Variants in ZFYVE26 observed in about 807,000 individuals in gnomAD.
ZFYVE26 encodes the protein zinc finger FYVE-type containing 26, also known as zinc finger FYVE domain-containing protein 26.
Under a neutral mutation model 276.5 loss-of-function variants are expected in ZFYVE26, and 181 were observed. The ratio of observed to expected loss-of-function variants is 0.65; its 90% CI spans 0.58 to 0.74. ZFYVE26 has a LOEUF of 0.74. Ranked by LOEUF, ZFYVE26 falls within the 30% of genes least tolerant of loss-of-function variation. The pLI is 0.00. For synonymous variants in ZFYVE26, 1,129 were observed against 1,203.1 expected, an observed-to-expected ratio of 0.94 and a Z score of 1.27; for missense variants, 2,821 against 3,097.9, an observed-to-expected ratio of 0.91 and a Z score of 2.12.
At chr14:67,801,213 T>G (rs1317978475) in intron 10 of ZFYVE26, among the ~76,000 whole-genome samples, 1 of 150,930 alleles carries the variant, frequency 6.6e-6, no homozygotes, top group Non-Finnish European at 1.5e-5. Flanking sequence ...ATCAAACCAC[T>G]GCACTCCAGC....
chr14:67,781,416 A>G lies in ZFYVE26; in HGVS notation c.4486T>C (p.Tyr1496His). ...PLESCLEILAYCISDTAVQEG... is the reference protein window; with the variant it reads ...PLESCLEILAHCISDTAVQEG... ...TGGACAGCCGTGTCTGAAATGCAGT[A>G]GGCCAGAATCTCCAGGCATGACTCC... The change falls in exon 22 of 42, where the codon TAC becomes CAC. Residue 1496 changes from tyrosine to histidine, a missense_variant. Transcript: ENST00000347230. 2.5e-6 allele frequency: 4 copies of G among 1,614,210 alleles called. No homozygotes were observed. Among genetic ancestry groups the G allele is most frequent in the Non-Finnish European group, 3.4e-6 (4 of 1,180,048 alleles).
chr14:67,789,859 G>A (rs764891833), intron 15 of ZFYVE26, among the ~76,000 whole-genome samples: 6 of 152,188 alleles, frequency 3.9e-5, no homozygotes, highest in Non-Finnish European at 7.3e-5. Context: ...AAAGAATGAC[G>A]TAGATCTGTG....
At chr14:67,772,286 T>G in intron 27 of ZFYVE26, 76 bp from the exon 28 acceptor site, 1 of 1,468,106 alleles carries the variant, frequency 6.8e-7, no homozygotes, top group Non-Finnish European at 9.4e-7. Context: ...AATGATAGAA[T>G]TTTACCATTT....
At chr14:67,729,855 A>C (rs760686635) in intron 13 of ZFYVE26, 2 of 457,620 alleles carry the variant, frequency 4.4e-6, no homozygotes, top group Non-Finnish European at 8.8e-6. Context: ...TTAGTGCTGA[A>C]TCTTATCATG....
downstream of ZFYVE26, among the ~76,000 whole-genome samples, chr14:67,745,666 T>G (rs2038474715): frequency 6.6e-6 from 1 of 151,866 alleles, no homozygotes; most frequent in Non-Finnish European, 1.5e-5. Flanking sequence ...TTTCAAAGAT[T>G]GACAATTTGG....
intron 3 of ZFYVE26, 74 bp downstream of exon 3, chr14:67,813,912 G>A: frequency 2.9e-6 from 3 of 1,052,206 alleles, no homozygotes; most frequent in East Asian, 2.4e-5. Flanking sequence ...ACAGACAGAA[G>A]GGAAATCCCA....
chr14:67,735,530 G>A (rs1463654304), intron 13 of ZFYVE26, among the ~76,000 whole-genome samples: 1 of 152,226 alleles, frequency 6.6e-6, no homozygotes, highest in African/African-American at 2.4e-5. Flanking sequence ...TGCAACCTTC[G>A]GGGCTGTTTT....
At chr14:67,806,746 A>C (rs1306279715) in intron 5 of ZFYVE26, 71 bp from the exon 6 acceptor site, 1 of 1,586,792 alleles carries the variant, frequency 6.3e-7, no homozygotes, top group African/African-American at 1.3e-5. Context: ...CCATTTGAAC[A>C]ACCAAGTGAT....
intron 16 of ZFYVE26, among the ~76,000 whole-genome samples, chr14:67,788,089 GA>G (rs35779834): frequency 6.7e-6 from 1 of 149,856 alleles, no homozygotes; most frequent in African/African-American, 2.5e-5. Context: ...ACCAGTCCTC[GA>G]AAAAAAAAAA....
intron 15 of ZFYVE26, among the ~76,000 whole-genome samples, chr14:67,790,242 A>C (rs1412638855): frequency 6.6e-6 from 1 of 152,258 alleles, no homozygotes; most frequent in East Asian, 1.9e-4. Flanking sequence ...GAGTAATTAC[A>C]TGGGAAGGAA....
At chr14:67,750,878 A>C (rs1010461237) in intron 41 of ZFYVE26, 174 bp downstream of exon 41, 1 of 792,506 alleles carries the variant, frequency 1.3e-6, no homozygotes, top group Non-Finnish European at 2.1e-6. Flanking sequence ...CCTGCTCCTC[A>C]TCTATTCCCT....
chr14:67,799,359 T>G (rs1249964167), intron 10 of ZFYVE26: 1 of 1,611,102 alleles, frequency 6.2e-7, no homozygotes, highest in Non-Finnish European at 8.5e-7. Context: ...TATAAGGCCT[T>G]TGTCAAAGAA....
At chr14:67,806,871 C>T (rs1011991739) in intron 5 of ZFYVE26, among the ~76,000 whole-genome samples, 196 bp from the exon 6 acceptor site, 10 of 152,148 alleles carry the variant, frequency 6.6e-5, no homozygotes, top group Non-Finnish European at 1.2e-4. Context: ...CCTGCTATTG[C>T]TATTACTTTA....
rs1348063919 is a variant in ZFYVE26 at position 67,789,457 on chromosome 14, T to A, written c.2897A>T (p.Asp966Val). ...PTAPLREVLE[D>V]LSPPAMAAFD... is the part of the protein sequence containing the mutation. The stretch of plus-strand genomic sequence containing the variant: ...TGCAGCCATGGCAGGGGGACTGAGG[T>A]CTTCCAGAACCTCTCTCAGGGGAGC... Residue 966 changes from aspartate (D) to valine (V), a missense_variant, in exon 16 of 42, where the codon GAC (aspartate) becomes GTC (valine). By Grantham distance (152) the Asp-to-Val change is radical. Transcript: ENST00000347230. The A allele has an allele frequency of 1.9e-6, 3 of 1,614,024 alleles. No individual in the cohort carries two copies. In the South Asian group the frequency reaches 3.3e-5, roughly 18 times the overall value.
Position 67,807,875 on chromosome 14 carries a change from C to G in ZFYVE26, c.409G>C (p.Asp137His). Reference protein sequence around the residue: ...LTQGAVGHVPDGNPRRESWTP... With the variant: ...LTQGAVGHVPHGNPRRESWTP... ...CAGCTCTCCCTCCTTGGATTTCCGT[C>G]AGGCACGTGGCCTACTGCACCCTGT... Residue 137 changes from aspartate (D) to histidine (H), a missense_variant, in exon 5 of 42, where the codon GAC becomes CAC. Asp to His is a moderately conservative substitution (Grantham distance 81, BLOSUM62 -1). Transcript: ENST00000347230. 1.9e-6 allele frequency: 3 copies of G among 1,613,976 alleles called. No individual in the cohort carries two copies. The highest frequency in any genetic ancestry group is 2.5e-6 in the Non-Finnish European group (3 of 1,179,908).
In ZFYVE26 at chr14:67,761,529, T is replaced by C. The variant is rs1474081648; in HGVS notation, c.6425A>G (p.Gln2142Arg). 6.2e-7 allele frequency: 1 copy of C among 1,614,222 alleles called. No homozygotes were observed. The highest frequency in any genetic ancestry group is 1.7e-5 in the Admixed American group (1 of 60,026). ...AGGAATCACTGCCAGAGAAAGGCTC[T>C]GCGTCCGAAGGGTAGCTTCCAGTTC... is the stretch of plus-strand genomic sequence containing the variant. ...LRELEATLRT[Q>R]SLSLAVIPEG... The change falls in exon 35 of 42, where the codon CAG (glutamine) becomes CGG (arginine). Residue 2142 changes from glutamine (Q) to arginine (R), a missense_variant. By Grantham distance (43) the Gln-to-Arg change is conservative (BLOSUM62 1). Coordinates refer to ENST00000347230, the MANE Select transcript of ZFYVE26 (RefSeq NM_015346.4).
intron 16 of ZFYVE26, among the ~76,000 whole-genome samples, chr14:67,786,992 T>C (rs1452014792): frequency 2.0e-5 from 3 of 151,974 alleles, no homozygotes; most frequent in Admixed American, 2.0e-4. Flanking sequence ...AAAATCAAAA[T>C]AACTGAATTC....
chr14:67,795,537 C>G (rs2039934369), intron 12 of ZFYVE26, among the ~76,000 whole-genome samples: 1 of 152,212 alleles, frequency 6.6e-6, no homozygotes, highest in African/African-American at 2.4e-5. Flanking sequence ...AGGTACATTA[C>G]AAATTGTTCG....
Position 67,790,748 on chromosome 14 carries a change from G to T in ZFYVE26, c.2579C>A (p.Ser860Tyr), listed in dbSNP as rs142085011. Reference protein sequence around the residue: ...HQVLFTFNLKSSPSSGELMFM... With the variant: ...HQVLFTFNLKYSPSSGELMFM... Reference sequence around the variant, plus strand: ...CATCAGTTCCCCTGAACTGGGTGAGGACTTCAGGTTGAACGTGAACAGCAC... The same window carrying T: ...CATCAGTTCCCCTGAACTGGGTGAGTACTTCAGGTTGAACGTGAACAGCAC... Residue 860 changes from serine (S) to tyrosine (Y), a missense_variant, in exon 15 of 42, where the codon TCC (serine) becomes TAC (tyrosine). Physicochemically the swap from Ser to Tyr is moderately radical, Grantham distance 144. Coordinates refer to ENST00000347230, the MANE Select transcript of ZFYVE26 (RefSeq NM_015346.4). 5.6e-6 allele frequency: 9 copies of T among 1,614,042 alleles called. No individual in the cohort carries two copies. In the African/African-American group the frequency reaches 1.2e-4, roughly 22 times the overall value.
Sources: gnomAD v4.1 joint callset for allele counts (sites outside exome capture counted in the v4.1 genomes callset) on GRCh38, gnomAD v4.1.1 for gene constraint, MANE v1.5 for transcripts, NCBI Gene and HGNC (gene_info 2026-07-23, HGNC 2026-07-21) for gene names.